SNX9: variants seen among roughly 807,000 people sequenced by gnomAD.
SNX9 encodes the protein sorting nexin 9.
Under a neutral mutation model 89.4 loss-of-function variants are expected in SNX9, and 44 were observed. The ratio of observed to expected loss-of-function variants is 0.49; its 90% confidence interval spans 0.39 to 0.63. The LOEUF is 0.63. SNX9 is among the 30% of genes least tolerant of loss of function. The pLI, the probability that SNX9 is intolerant of heterozygous loss-of-function variation, is 0.00. For missense variants in SNX9, 578 were observed against 736.1 expected (o/e 0.79, Z 2.49); for synonymous variants, 236 against 247.8 (o/e 0.95, Z 0.45).
intron 9 of SNX9, among the ~76,000 whole-genome samples, chr6:157,915,822 C>CAAAAAAAAAAAAAAAAAAAAAAAAAAAAA (rs570701086): frequency 1.1e-5 from 1 of 89,378 alleles, no homozygotes; most frequent in African/African-American, 4.0e-5. Flanking sequence ...TAGACTCTGT[C>CAAAAAAAAAAAAAAAAAAAAAAAAAAAAA]AAAAAAAAAA....
intron 1 of SNX9, among the ~76,000 whole-genome samples, chr6:157,860,981 C>T (rs1261883487): frequency 6.6e-6 from 1 of 152,116 alleles, no homozygotes; most frequent in Non-Finnish European, 1.5e-5. Flanking sequence ...GTCTAATTGA[C>T]CATCAGTTTA....
At chr6:157,853,691 T>G (rs1781954769) in intron 1 of SNX9, among the ~76,000 whole-genome samples, 1 of 152,136 alleles carries the variant, frequency 6.6e-6, no homozygotes, top group African/African-American at 2.4e-5. Flanking sequence ...GCCCTTTACT[T>G]TCCCTTGAAC....
intron 3 of SNX9, chr6:157,874,269 T>C (rs190160561): frequency 1.0e-4 from 16 of 152,468 alleles, no homozygotes; most frequent in African/African-American, 3.6e-4. Context: ...TCCATACAAC[T>C]GCAACCCCCT....
chr6:157,882,408 C>G (rs975885922), intron 4 of SNX9, among the ~76,000 whole-genome samples: 3 of 152,216 alleles, frequency 2.0e-5, no homozygotes, highest in Admixed American at 1.3e-4. Flanking sequence ...TAATACAGCA[C>G]TTATTCTACA....
chr6:157,849,507 A>G (rs1781866976), intron 1 of SNX9, among the ~76,000 whole-genome samples: 1 of 152,238 alleles, frequency 6.6e-6, no homozygotes, highest in Non-Finnish European at 1.5e-5. Context: ...TTGGCGCTGC[A>G]GGCGGAAGAT....
chr6:157,825,387 G>GT (rs896541632), intron 1 of SNX9, among the ~76,000 whole-genome samples: 2 of 152,232 alleles, frequency 1.3e-5, no homozygotes, highest in African/African-American at 2.4e-5. Flanking sequence ...GTGGAATGCA[G>GT]TTTAGCAACT....
intron 4 of SNX9, among the ~76,000 whole-genome samples, chr6:157,895,059 C>G (rs775333454): frequency 6.6e-6 from 1 of 152,062 alleles, no homozygotes; most frequent in Non-Finnish European, 1.5e-5. Flanking sequence ...CAAAGCGATA[C>G]GTATGTATGA....
At chr6:157,898,009 G>T (rs182548667) in intron 5 of SNX9, among the ~76,000 whole-genome samples, 2 of 152,276 alleles carry the variant, frequency 1.3e-5, no homozygotes, top group African/African-American at 4.8e-5. Context: ...GGAGATCTGT[G>T]TCAGGAGCCA....
intron 12 of SNX9, among the ~76,000 whole-genome samples, chr6:157,931,460 G>T (rs1289851203): frequency 6.6e-6 from 1 of 152,146 alleles, no homozygotes; most frequent in Non-Finnish European, 1.5e-5. Flanking sequence ...TCCATTTAAG[G>T]GGACTCCATA....
chr6:157,905,533 TC>T (rs1268661471), intron 6 of SNX9, among the ~76,000 whole-genome samples: 43 of 150,128 alleles, frequency 2.9e-4, no homozygotes, highest in African/African-American at 9.3e-4. Flanking sequence ...TTAAGTGACC[TC>T]CCCCCCACCC....
At chr6:157,933,949 TTAAGA>T (rs1783869162) in intron 13 of SNX9, among the ~76,000 whole-genome samples, 1 of 152,252 alleles carries the variant, frequency 6.6e-6, no homozygotes, top group African/African-American at 2.4e-5. Context: ...ATCATTCTAC[TTAAGA>T]TAATATTTTA....
At position 157,896,934 on chromosome 6, in the gene SNX9, A is replaced by G. The variant is rs1782989521; in HGVS notation, c.408A>G (p.Arg136=). 6.2e-7 allele frequency: 1 copy of G among 1,612,780 alleles called. No homozygotes were observed. Among genetic ancestry groups the G allele is most frequent in the African/African-American group, 1.3e-5 (1 of 74,782 alleles). The change falls in exon 5 of 18, where the codon AGA becomes AGG. Residue 136 remains arginine, a synonymous_variant. Transcript: ENST00000392185. ...AGCCAGAGGGGGCTGGAGCCCAAAG[A>G]AACACAAACACTCCCAACAACTGGG... The part of the protein sequence containing the change: ...GAQPEGAGAQ[R]NTNTPNNWDT...
chr6:157,909,615 T>C (rs752421697), intron 7 of SNX9, 50 bp from the exon 8 acceptor site: 2 of 1,605,708 alleles, frequency 1.2e-6, no homozygotes, highest in South Asian at 2.2e-5. Context: ...CAATTGTATT[T>C]ATTATTTTTC....
chr6:157,865,846 G>A (rs545345851), intron 1 of SNX9, among the ~76,000 whole-genome samples: 26 of 152,288 alleles, frequency 1.7e-4, no homozygotes, highest in Non-Finnish European at 3.5e-4. Context: ...GGCCTTTCAA[G>A]TTCTTGCCAT....
chr6:157,881,177 G>A (rs988529944), intron 4 of SNX9, among the ~76,000 whole-genome samples: 6 of 152,092 alleles, frequency 3.9e-5, no homozygotes, highest in South Asian at 2.1e-4. Context: ...TCTGTTTCAC[G>A]TTTTGTTAAT....
At chr6:157,941,034 C>T in intron 17 of SNX9, 60 bp downstream of exon 17, 1 of 1,391,122 alleles carries the variant, frequency 7.2e-7, no homozygotes, top group Non-Finnish European at 1.0e-6. Context: ...TGGTAAACCA[C>T]TTTGACCATG....
At chr6:157,904,297 G>T (rs1244861623) in intron 6 of SNX9, among the ~76,000 whole-genome samples, 4 of 152,102 alleles carry the variant, frequency 2.6e-5, no homozygotes, top group African/African-American at 9.7e-5. Context: ...GTAGCTGGGC[G>T]TGGTGGCACG....
At chr6:157,881,380 A>G (rs1376308095) in intron 4 of SNX9, among the ~76,000 whole-genome samples, 1 of 152,028 alleles carries the variant, frequency 6.6e-6, no homozygotes, top group Non-Finnish European at 1.5e-5. Flanking sequence ...GGACCTCCCT[A>G]TTCTCTGAGA....
intron 1 of SNX9, among the ~76,000 whole-genome samples, chr6:157,840,951 G>T (rs563438978): frequency 6.6e-6 from 1 of 152,166 alleles, no homozygotes; most frequent in Non-Finnish European, 1.5e-5. Context: ...AGTACTTGCA[G>T]ACTGCTGGAT....
Sources: gnomAD v4.1 joint callset for allele counts (sites outside exome capture counted in the v4.1 genomes callset) on GRCh38, gnomAD v4.1.1 for gene constraint, MANE v1.5 for transcripts, NCBI Gene and HGNC (gene_info 2026-07-23, HGNC 2026-07-21) for gene names.